DRC8: variants seen among roughly 807,000 people sequenced by gnomAD.
The protein encoded by DRC8 is dynein regulatory complex subunit 8, also known as dynein regulatory complex protein 8.
the DRC8 span, among the ~76,000 whole-genome samples, chr1:245,040,071 G>A: frequency 6.6e-4 from 101 of 152,274 alleles, no homozygotes; most frequent in Non-Finnish European, 1.3e-3. Flanking sequence ...AGCATCCGTT[G>A]GTCAATCTTG....
At chr1:245,118,825 G>GAAAAC in the DRC8 span, among the ~76,000 whole-genome samples, 3 of 108,918 alleles carry the variant, frequency 2.8e-5, no homozygotes, top group African/African-American at 1.1e-4. Flanking sequence ...GAAAAGAAAA[G>GAAAAC]AAAAGAAAAG....
At chr1:245,022,987 A>G in the DRC8 span, 1 of 152,216 alleles carries the variant, frequency 6.6e-6, no homozygotes, top group African/African-American at 2.4e-5. Flanking sequence ...TCATATATCA[A>G]TGGAAGAGTA....
the DRC8 span, among the ~76,000 whole-genome samples, chr1:244,994,747 C>A: frequency 6.6e-6 from 1 of 152,038 alleles, no homozygotes; most frequent in Non-Finnish European, 1.5e-5. Context: ...TCTTTTTAAA[C>A]CCTGTTGTTT....
At chr1:245,001,815 A>T in the DRC8 span, among the ~76,000 whole-genome samples, 2 of 151,792 alleles carry the variant, frequency 1.3e-5, no homozygotes, top group African/African-American at 2.4e-5. Flanking sequence ...AGTTTTCTAA[A>T]TTTTTTTTCT....
chr1:244,970,285 CAAGGGTCTT>C, the DRC8 span: 1 of 775,194 alleles, frequency 1.3e-6, no homozygotes, highest in African/African-American at 1.7e-5. Flanking sequence ...CCGCCCCGCC[CAAGGGTCTT>C]CCTCCCCCGG....
At chr1:245,121,779 C>T in the DRC8 span, 11 of 355,312 alleles carry the variant, frequency 3.1e-5, no homozygotes, top group Non-Finnish European at 5.8e-5. Context: ...AGCATCAACC[C>T]CTCCGTCTGG....
the DRC8 span, among the ~76,000 whole-genome samples, chr1:245,020,555 C>A: frequency 6.7e-5 from 10 of 150,162 alleles, 1 homozygote; most frequent in Admixed American, 6.0e-4. Flanking sequence ...AAATTTAAGA[C>A]AGTATTTGTT....
At chr1:245,021,555 C>T in the DRC8 span, among the ~76,000 whole-genome samples, 2 of 152,148 alleles carry the variant, frequency 1.3e-5, no homozygotes, top group East Asian at 1.9e-4. Flanking sequence ...CCTGCATTGG[C>T]CTCCCAAGTA....
the DRC8 span, chr1:245,107,111 A>G: frequency 1.3e-5 from 2 of 152,266 alleles, no homozygotes; most frequent in Non-Finnish European, 2.9e-5. Flanking sequence ...ACTATTTCCA[A>G]ACAGTTGTAA....
chr1:245,072,713 C>G, the DRC8 span, among the ~76,000 whole-genome samples: 2 of 152,206 alleles, frequency 1.3e-5, no homozygotes, highest in Non-Finnish European at 2.9e-5. Flanking sequence ...GAGATGGGAC[C>G]TGGTGGGAGG....
At chr1:245,076,030 G>C in the DRC8 span, among the ~76,000 whole-genome samples, 1 of 152,270 alleles carries the variant, frequency 6.6e-6, no homozygotes, top group South Asian at 2.1e-4. Flanking sequence ...TGTTGAATGC[G>C]CCTAGCAATT....
chr1:244,995,424 C>T, the DRC8 span, among the ~76,000 whole-genome samples: 8 of 152,050 alleles, frequency 5.3e-5, no homozygotes, highest in Non-Finnish European at 1.0e-4. Flanking sequence ...GTGGTGCGAT[C>T]ATAGCTCACT....
the DRC8 span, chr1:245,002,224 G>C: frequency 1.3e-4 from 210 of 1,606,846 alleles, no homozygotes; most frequent in Non-Finnish European, 1.7e-4. Flanking sequence ...GTGTTATGGG[G>C]AACACAGGGT....
the DRC8 span, among the ~76,000 whole-genome samples, chr1:244,980,670 G>T: frequency 2.6e-5 from 4 of 152,216 alleles, no homozygotes; most frequent in African/African-American, 9.7e-5. Context: ...GAATAGTAGA[G>T]TTATGTAAAT....
At chr1:245,085,891 G>T in the DRC8 span, among the ~76,000 whole-genome samples, 6 of 152,244 alleles carry the variant, frequency 3.9e-5, no homozygotes, top group African/African-American at 1.4e-4. Context: ...CATGGGTCAT[G>T]ATGAGTAACA....
the DRC8 span, among the ~76,000 whole-genome samples, chr1:245,105,083 A>G: frequency 6.6e-6 from 1 of 152,192 alleles, no homozygotes; most frequent in East Asian, 1.9e-4. Flanking sequence ...CCCGTAGACC[A>G]ATTTTTATAT....
chr1:244,988,942 C>T, the DRC8 span, among the ~76,000 whole-genome samples: 102,842 of 152,070 alleles, frequency 0.68, 36,201 homozygotes, highest in East Asian at 1. Context: ...GAGCTATGTA[C>T]GTATGAATAT....
At chr1:245,000,149 C>T in the DRC8 span, among the ~76,000 whole-genome samples, 1 of 152,190 alleles carries the variant, frequency 6.6e-6, no homozygotes, top group African/African-American at 2.4e-5. Flanking sequence ...TGAGGCACAG[C>T]AAGAGCTGAA....
At chr1:245,090,068 A>G in the DRC8 span, among the ~76,000 whole-genome samples, 3 of 152,236 alleles carry the variant, frequency 2.0e-5, no homozygotes, top group Non-Finnish European at 2.9e-5. Context: ...GGAGCAAAAA[A>G]GAAAAGAAAA....
Sources: allele counts gnomAD v4.1 joint callset (sites outside exome capture counted in the v4.1 genomes callset), GRCh38; gene constraint gnomAD v4.1.1; transcripts MANE v1.5; gene names NCBI Gene and HGNC (gene_info 2026-07-23, HGNC 2026-07-21).